Variants in NLGN4X observed in about 807,000 individuals in gnomAD.
NLGN4X encodes the protein neuroligin 4 X-linked, also known as neuroligin-4, X-linked.
NLGN4X carries 3 observed loss-of-function variants against 40.3 expected under a neutral mutation model. That is an observed-to-expected ratio of 0.07 (90% CI 0.03 to 0.19). The LOEUF (loss-of-function observed/expected upper bound fraction) is 0.19, where lower values mean the gene tolerates loss of function less well. Among genes scored for constraint, NLGN4X ranks in the 10% least tolerant of loss-of-function variants. The probability of loss-of-function intolerance (pLI) is 1.00; values close to 1 mark genes in which losing one functional copy is unlikely to be tolerated. For missense variants in NLGN4X, 382 were observed against 708.3 expected (o/e 0.54, Z 5.23); for synonymous variants, 270 against 306.8 (o/e 0.88, Z 1.25).
intron 5 of NLGN4X, among the ~76,000 whole-genome samples, chrX:5,901,838 G>T (rs1300255536): frequency 9.7e-6 from 1 of 103,219 alleles, no homozygotes; most frequent in Non-Finnish European, 1.9e-5. Flanking sequence ...ATATATATTT[G>T]TATTTGTATA....
At chrX:6,021,002 TTCTCTCTCTCTCTCTCTCTCTC>T (rs869309615) in intron 3 of NLGN4X, among the ~76,000 whole-genome samples, 1 of 24,123 alleles carries the variant, frequency 4.1e-5, no homozygotes, top group African/African-American at 1.4e-4. Flanking sequence ...CTTCCTTCTT[TTCTCTCTCTCTCTCTCTCTCTC>T]TCTCTCTCTC....
intron 1 of NLGN4X, among the ~76,000 whole-genome samples, chrX:6,203,864 G>T (rs1378226146): frequency 1.8e-5 from 2 of 112,712 alleles, no homozygotes; most frequent in African/African-American, 6.4e-5. Context: ...AATTTTTTAT[G>T]CAGCAATAGA....
chrX:6,151,813 A>G, intron 1 of NLGN4X, 42 bp from the exon 2 acceptor site: 20 of 266,815 alleles, frequency 7.5e-5, no homozygotes, highest in Non-Finnish European at 1.2e-4. Context: ...GAAGCCACAC[A>G]ACGACCACCT....
chrX:6,147,208 T>A (rs780258635), intron 2 of NLGN4X, among the ~76,000 whole-genome samples: 1 of 111,987 alleles, frequency 8.9e-6, no homozygotes, highest in African/African-American at 3.2e-5. Context: ...TTAAGATGTA[T>A]GTCCAAGGAT....
chrX:5,891,593 G>A lies in NLGN4X; in HGVS notation c.*1224C>T, dbSNP rs1190167849. ...TCCAAGGGGCATAGCCCCACCAAAGGCAAGCTTTCTTCTTTTTTTGGCAGG... is the reference window on the plus strand; with the variant it reads ...TCCAAGGGGCATAGCCCCACCAAAGACAAGCTTTCTTCTTTTTTTGGCAGG... On this transcript the variant is annotated 3_prime_UTR_variant, in exon 6 of 6. Transcript: ENST00000381095. 6.2e-5 allele frequency: 15 copies of A among 243,307 alleles called. No homozygotes were observed. 20.1% of individuals were successfully genotyped at this position (243,307 alleles called of 1,213,427 possible).
intron 2 of NLGN4X, among the ~76,000 whole-genome samples, chrX:6,058,209 T>A (rs1407894079): frequency 9.0e-6 from 1 of 111,006 alleles, no homozygotes; most frequent in African/African-American, 3.3e-5. Flanking sequence ...TATAAACACA[T>A]GTAATAATTG....
At chrX:6,207,193 C>T (rs901143640) in intron 1 of NLGN4X, among the ~76,000 whole-genome samples, 3 of 111,913 alleles carry the variant, frequency 2.7e-5, no homozygotes, top group African/African-American at 6.5e-5. Flanking sequence ...TACACATTTG[C>T]ATCACATTGA....
intron 3 of NLGN4X, among the ~76,000 whole-genome samples, chrX:5,993,758 A>G (rs770966913): frequency 3.6e-5 from 4 of 111,693 alleles, no homozygotes; most frequent in Non-Finnish European, 5.6e-5. Context: ...AACCACATAG[A>G]AAGAAGTGCT....
intron 5 of NLGN4X, among the ~76,000 whole-genome samples, chrX:5,898,378 T>C (rs1419617910): frequency 2.8e-5 from 3 of 106,107 alleles, no homozygotes; most frequent in African/African-American, 6.9e-5. Flanking sequence ...CCTCCTTCCT[T>C]CCTTTTCTCC....
At chrX:6,009,094 A>C (rs756442115) in intron 3 of NLGN4X, among the ~76,000 whole-genome samples, 3 of 111,473 alleles carry the variant, frequency 2.7e-5, no homozygotes, top group African/African-American at 9.8e-5. Context: ...TACACGCATA[A>C]ATATATACAT....
At chrX:5,942,604 G>T (rs111283994) in intron 3 of NLGN4X, among the ~76,000 whole-genome samples, 1 of 109,583 alleles carries the variant, frequency 9.1e-6, no homozygotes, top group South Asian at 4.1e-4. Flanking sequence ...GCATTGGGCC[G>T]AGATCATGCC....
At chrX:6,024,284 C>A (rs1489709250) in intron 3 of NLGN4X, among the ~76,000 whole-genome samples, 1 of 111,729 alleles carries the variant, frequency 9.0e-6, no homozygotes, top group Non-Finnish European at 1.9e-5. Flanking sequence ...CTGGCACGTA[C>A]AGCTCAGCAA....
chrX:5,998,659 A>AT (rs751471693), intron 3 of NLGN4X, among the ~76,000 whole-genome samples: 1 of 111,896 alleles, frequency 8.9e-6, no homozygotes, highest in East Asian at 2.8e-4. Flanking sequence ...ATAGTAGATT[A>AT]TTTTTTCCAA....
intron 3 of NLGN4X, among the ~76,000 whole-genome samples, chrX:6,004,201 CAA>C (rs1266798696): frequency 8.9e-6 from 1 of 112,408 alleles, no homozygotes. Flanking sequence ...CATCTGACCT[CAA>C]AAGACACTTA....
At chrX:5,924,785 A>G (rs868608092) in intron 3 of NLGN4X, among the ~76,000 whole-genome samples, 33 of 110,750 alleles carry the variant, frequency 3.0e-4, no homozygotes, top group Middle Eastern at 4.6e-3. Flanking sequence ...GTTCTCATTC[A>G]TAAGTGGGAG....
At chrX:5,901,274 T>C (rs1450887164) in intron 5 of NLGN4X, among the ~76,000 whole-genome samples, 1 of 112,386 alleles carries the variant, frequency 8.9e-6, no homozygotes, top group African/African-American at 3.2e-5. Context: ...TAAGGATTAC[T>C]GTGCATAACT....
intron 1 of NLGN4X, among the ~76,000 whole-genome samples, chrX:6,157,005 G>A (rs900941882): frequency 9.0e-6 from 1 of 111,017 alleles, no homozygotes; most frequent in Non-Finnish European, 1.9e-5. Flanking sequence ...TAAAAATGTG[G>A]CCAGGCATGG....
At chrX:5,902,957 T>C in intron 5 of NLGN4X, 120 bp downstream of exon 5, 1 of 787,141 alleles carries the variant, frequency 1.3e-6, no homozygotes, top group African/African-American at 2.0e-5. Flanking sequence ...TGTGTGTGCA[T>C]GCATGTGTAT....
At chrX:6,067,628 C>T (rs1372280657) in intron 2 of NLGN4X, among the ~76,000 whole-genome samples, 2 of 111,412 alleles carry the variant, frequency 1.8e-5, no homozygotes, top group African/African-American at 6.5e-5. Context: ...TTCCAGGTAC[C>T]CCCTGCTCTC....
Sources: allele counts gnomAD v4.1 joint callset (sites outside exome capture counted in the v4.1 genomes callset), GRCh38; gene constraint gnomAD v4.1.1; transcripts MANE v1.5; gene names NCBI Gene and HGNC (gene_info 2026-07-23, HGNC 2026-07-21).